USP7: variants seen among roughly 807,000 people sequenced by gnomAD.
USP7 encodes the protein ubiquitin C-terminal hydrolase 7.
A neutral mutation model predicts 162.9 loss-of-function variants in USP7; 9 were observed. That is an observed-to-expected ratio of 0.06 (90% CI 0.03 to 0.10). The LOEUF is 0.10. USP7 is among the 10% of genes least tolerant of loss of function. The pLI, the probability that USP7 is intolerant of heterozygous loss-of-function variation, is 1.00. For synonymous variants in USP7, 562 were observed against 475.9 expected, an observed-to-expected ratio of 1.18 and a Z score of -2.35; for missense variants, 715 against 1,373.7, an observed-to-expected ratio of 0.52 and a Z score of 7.58.
chr16:8,947,702 C>T (rs756799606), intron 1 of USP7, among the ~76,000 whole-genome samples: 3 of 152,148 alleles, frequency 2.0e-5, no homozygotes, highest in Non-Finnish European at 2.9e-5. Context: ...GTAGCTATAA[C>T]CCACCCACCA....
At position 8,916,890 on chromosome 16, in the gene USP7, C is replaced by T. The variant is rs147458661; in HGVS notation, c.851+136G>A. 3.3e-4 allele frequency: 330 copies of T among 1,013,088 alleles called. 1 individual carries two copies. In the African/African-American group the frequency reaches 4.8e-3, roughly 15 times the overall value. The allele number at this position is 1,013,088 out of a possible 1,614,324, so 62.8% of individuals were successfully genotyped here. The stretch of plus-strand genomic sequence containing the variant: ...AAATACAATGATAAAAGCACTGACA[C>T]GATTAAATGCTCAAGCCTCCCTAAA... On this transcript the variant is annotated intron_variant, in intron 7 of 30. Coordinates refer to ENST00000344836, the MANE Select transcript of USP7 (RefSeq NM_003470.3).
chr16:8,961,457 A>G (rs1029536839), intron 1 of USP7, among the ~76,000 whole-genome samples: 9 of 124,922 alleles, frequency 7.2e-5, no homozygotes, highest in Non-Finnish European at 1.1e-4. Flanking sequence ...GCGCCACTGC[A>G]CTCCAGCCTG....
intron 15 of USP7, 115 bp downstream of exon 15, chr16:8,904,320 C>T: frequency 6.5e-7 from 1 of 1,528,686 alleles, no homozygotes; most frequent in Non-Finnish European, 8.8e-7. Context: ...AGATGGATGC[C>T]CTGCTGCATG....
intron 1 of USP7, among the ~76,000 whole-genome samples, chr16:8,932,066 C>T (rs181541376): frequency 3.9e-4 from 59 of 152,288 alleles, no homozygotes; most frequent in Non-Finnish European, 8.1e-4. Context: ...TCACCTCCCC[C>T]TCCAAGAACT....
In USP7 at chr16:8,910,841, G is replaced by C. The variant is rs1425486481; in HGVS notation, c.1079-14C>G. On this transcript the variant is annotated splice_polypyrimidine_tract_variant and intron_variant, in intron 10 of 30. Transcript: ENST00000344836. ...ATGATTCAAATACTTTAAAGAGAGA[G>C]AGAGAAAAGTCAAGTGCTAAAGCTT... The C allele has an allele frequency of 1.2e-6, 2 of 1,609,164 alleles. No individual in the cohort carries two copies. Among genetic ancestry groups the C allele is most frequent in the African/African-American group, 1.3e-5 (1 of 74,818 alleles).
chr16:8,920,916 G>A (rs1897657197), intron 4 of USP7, among the ~76,000 whole-genome samples: 1 of 152,322 alleles, frequency 6.6e-6, no homozygotes, highest in East Asian at 1.9e-4. Context: ...GTCTTTTAAA[G>A]GAAATTTAGC....
chr16:8,962,553 C>A (rs150262523), intron 1 of USP7: 2 of 428,474 alleles, frequency 4.7e-6, no homozygotes, highest in Admixed American at 2.6e-5. Context: ...GCACACCTGG[C>A]CGGATGCTGG....
At chr16:8,900,494 A>T in intron 21 of USP7, 36 bp downstream of exon 21, 1 of 1,455,850 alleles carries the variant, frequency 6.9e-7, no homozygotes, top group East Asian at 2.4e-5. Context: ...TCCTGAAATT[A>T]GTACAAAGTG....
chr16:8,960,616 T>C (rs1463708196), intron 1 of USP7, among the ~76,000 whole-genome samples: 1 of 152,192 alleles, frequency 6.6e-6, no homozygotes, highest in South Asian at 2.1e-4. Context: ...TTCCAGCTGC[T>C]AGTTCGTTAG....
At chr16:8,925,651 G>A (rs898838397) in intron 2 of USP7, among the ~76,000 whole-genome samples, 6 of 152,172 alleles carry the variant, frequency 3.9e-5, no homozygotes, top group South Asian at 2.1e-4. Flanking sequence ...CCGCGCATCC[G>A]TCTCTGTGCC....
chr16:8,912,360 G>A (rs1278450956), intron 10 of USP7, among the ~76,000 whole-genome samples: 4 of 151,364 alleles, frequency 2.6e-5, no homozygotes, highest in African/African-American at 9.7e-5. Flanking sequence ...GCTGAAAGGA[G>A]AATTGCTTGA....
intron 25 of USP7, among the ~76,000 whole-genome samples, chr16:8,897,624 A>G (rs1300379171): frequency 7.0e-6 from 1 of 142,008 alleles, no homozygotes; most frequent in East Asian, 2.2e-4. Context: ...ACACTCTGGG[A>G]GGCTGAGGCA....
intron 1 of USP7, among the ~76,000 whole-genome samples, chr16:8,935,165 G>A (rs143172337): frequency 7.9e-5 from 12 of 151,908 alleles, no homozygotes; most frequent in African/African-American, 2.9e-4. Flanking sequence ...TAAGACATGG[G>A]GACTGATTTG....
At chr16:8,917,273 G>A (rs1347992373) in intron 6 of USP7, 117 bp from the exon 7 acceptor site, 4 of 1,283,224 alleles carry the variant, frequency 3.1e-6, no homozygotes, top group Non-Finnish European at 3.1e-6. Context: ...CAATGGCTAA[G>A]GTTGTTGTTA....
In USP7 at chr16:8,963,824, T is replaced by G. The variant is rs1900120004; in HGVS notation, c.-539A>C. Among the ~76,000 whole-genome samples, 2 of 145,342 alleles carry G rather than the reference T, an allele frequency of 1.4e-5. No homozygotes were observed. Among genetic ancestry groups the G allele is most frequent in the Non-Finnish European group, 3.1e-5 (2 of 65,564 alleles). On this transcript the variant is annotated 5_prime_UTR_variant, in exon 1 of 31. Coordinates refer to ENST00000344836, the MANE Select transcript of USP7 (RefSeq NM_003470.3). ...AGCCGCGGCCTCCGCCTCCTCGGCG[T>G]CGTCGTCGGGGCTCCGGCAGCGGAC... is the stretch of plus-strand genomic sequence containing the variant.
intron 15 of USP7, among the ~76,000 whole-genome samples, chr16:8,903,604 G>A (rs2061811848): frequency 6.6e-6 from 1 of 152,082 alleles, no homozygotes; most frequent in Non-Finnish European, 1.5e-5. Context: ...TGTGGGCAGG[G>A]CACGGTGGCT....
chr16:8,963,638 C>A lies in USP7; in HGVS notation c.-353G>T, dbSNP rs1366406012. 7.1e-6 allele frequency among the ~76,000 whole-genome samples: 1 copy of A among 141,708 alleles called. No individual in the cohort carries two copies. Among genetic ancestry groups the A allele is most frequent in the Non-Finnish European group, 1.6e-5 (1 of 64,252 alleles). The allele number at this position is 141,708 out of a possible 152,430, so 93.0% of individuals were successfully genotyped here. A position where few individuals can be genotyped will look rare whatever the true frequency, so the allele number is the denominator to read the frequency against. ...GGGGCCGGGGCTGCGGGGCCGCGGG[C>A]CGGCCGGGGGCGGAGGGCGGCCGGT... On this transcript the variant is annotated 5_prime_UTR_variant, in exon 1 of 31. Coordinates refer to ENST00000344836, the MANE Select transcript of USP7 (RefSeq NM_003470.3).
At chr16:8,947,299 T>G (rs1416349257) in intron 1 of USP7, among the ~76,000 whole-genome samples, 2 of 152,156 alleles carry the variant, frequency 1.3e-5, no homozygotes, top group Non-Finnish European at 2.9e-5. Context: ...AATAATTATT[T>G]TTTATACAAC....
At chr16:8,918,329 GAACT>G (rs915144329) in intron 6 of USP7, among the ~76,000 whole-genome samples, 45 of 152,212 alleles carry the variant, frequency 3.0e-4, no homozygotes, top group South Asian at 1.5e-3. Context: ...TCTCAAAATA[GAACT>G]AACTCATCTA....
Sources: allele counts gnomAD v4.1 joint callset (sites outside exome capture counted in the v4.1 genomes callset), GRCh38; gene constraint gnomAD v4.1.1; transcripts MANE v1.5; gene names NCBI Gene and HGNC (gene_info 2026-07-23, HGNC 2026-07-21).